The following MCF2L2 variants were observed in gnomAD, a reference collection of about 807,000 sequenced individuals.
MCF2L2 encodes the protein MCF.2 cell line derived transforming sequence-like 2, also known as probable guanine nucleotide exchange factor MCF2L2.
In MCF2L2, 102 loss-of-function variants were observed where a neutral mutation model predicts 150.2. The ratio of observed to expected loss-of-function variants is 0.68; its 90% CI spans 0.58 to 0.80. The LOEUF (loss-of-function observed/expected upper bound fraction) is 0.80, where lower values mean the gene tolerates loss of function less well. Ranked by LOEUF, MCF2L2 falls within the 30% of genes least tolerant of loss-of-function variation. MCF2L2 has a pLI of 0.00. For missense variants in MCF2L2, 1,256 were observed against 1,372.8 expected (o/e 0.91, Z 1.34); for synonymous variants, 465 against 491.3 (o/e 0.95, Z 0.71).
intron 27 of MCF2L2, among the ~76,000 whole-genome samples, chr3:183,187,475 A>AT (rs1288905499): frequency 2.6e-5 from 4 of 151,828 alleles, no homozygotes; most frequent in East Asian, 3.9e-4. Context: ...TTATTTTATT[A>AT]TTTTTTTATT....
At chr3:183,213,775 C>G (rs569626304) in intron 22 of MCF2L2, among the ~76,000 whole-genome samples, 3 of 152,246 alleles carry the variant, frequency 2.0e-5, no homozygotes, top group Non-Finnish European at 4.4e-5. Flanking sequence ...CTCTTCTTTC[C>G]ATGGATCTTC....
At position 183,428,096 on chromosome 3, in the gene MCF2L2, C is replaced by T. The variant is rs1716269794; in HGVS notation, c.-119G>A. 2.6e-6 allele frequency: 2 copies of T among 763,660 alleles called. No homozygotes were observed. Among genetic ancestry groups the T allele is most frequent in the South Asian group, 3.0e-5 (2 of 66,260 alleles). 47.3% of individuals were successfully genotyped at this position (763,660 alleles called of 1,614,324 possible). ...TGCTCTGCCCTCGCCCTCTTCCTGG[C>T]TCTCCAGGCAAGAAACGAGAGTCCC... On this transcript the variant is annotated 5_prime_UTR_variant, in exon 1 of 30. Transcript: ENST00000328913. This position sits in a 1 kb window ranked among gnomAD's most constrained non-coding sequence, Gnocchi z 5.1.
At chr3:183,420,516 T>C (rs1327146747) in intron 1 of MCF2L2, among the ~76,000 whole-genome samples, 2 of 152,182 alleles carry the variant, frequency 1.3e-5, no homozygotes, top group Non-Finnish European at 2.9e-5. Flanking sequence ...AAGAATCACT[T>C]GAACCCCAGG....
At chr3:183,237,911 C>T (rs1723814747) in intron 15 of MCF2L2, among the ~76,000 whole-genome samples, 1 of 106,416 alleles carries the variant, frequency 9.4e-6, no homozygotes, top group Non-Finnish European at 1.9e-5. Flanking sequence ...TCTTTGTTCT[C>T]GTTGGTTTCA....
At chr3:183,289,713 G>A (rs549039736) in intron 13 of MCF2L2, among the ~76,000 whole-genome samples, 6 of 152,218 alleles carry the variant, frequency 3.9e-5, no homozygotes, top group African/African-American at 7.2e-5. Context: ...AAAATTATCC[G>A]GGAACAGTGG....
At chr3:183,320,098 T>A (rs528033854) in intron 6 of MCF2L2, among the ~76,000 whole-genome samples, 1 of 151,268 alleles carries the variant, frequency 6.6e-6, no homozygotes, top group East Asian at 1.9e-4. Flanking sequence ...TCTTTTCTTT[T>A]TTTTTTTTTT....
In MCF2L2 at chr3:183,270,795, T is replaced by C; in HGVS notation, c.1862+6077A>G. 2 of 1,614,114 alleles carry C rather than the reference T, an allele frequency of 1.2e-6. No homozygotes were observed. The highest frequency in any genetic ancestry group is 1.7e-6 in the Non-Finnish European group (2 of 1,180,028). On this transcript the variant is annotated intron_variant, in intron 15 of 29. Transcript: ENST00000328913. The surrounding 1 kb of genome is among the most constrained non-coding windows in gnomAD (Gnocchi z 4.5). ...ACACTTAGAAGATCTCCAGGACCTTTGGAAGAATGCTACAGATCCTAAAGT... is the reference window on the plus strand; with the variant it reads ...ACACTTAGAAGATCTCCAGGACCTTCGGAAGAATGCTACAGATCCTAAAGT...
At chr3:183,253,198 G>A (rs1336446483) in intron 15 of MCF2L2, 4 of 150,206 alleles carry the variant, frequency 2.7e-5, no homozygotes, top group Admixed American at 1.3e-4. Flanking sequence ...CCGAGAGTGC[G>A]GGGCGCGCGG....
At position 183,323,220 on chromosome 3, in the gene MCF2L2, T is replaced by C; in HGVS notation, c.603+15A>G. On this transcript the variant is annotated intron_variant, in intron 6 of 29. Transcript: ENST00000328913. ...AAGGAGAGACAGTGAAAAGCACACG[T>C]AAGCTGGTACTCACAGTGCGGTGAT... is the stretch of plus-strand genomic sequence containing the variant. 1 of 1,561,262 alleles carries C rather than the reference T, an allele frequency of 6.4e-7. No individual in the cohort carries two copies. Among genetic ancestry groups the C allele is most frequent in the Non-Finnish European group, 8.8e-7 (1 of 1,134,454 alleles).
In MCF2L2 at chr3:183,270,941, CTTGAATG is replaced by C. The variant is rs1267992183; in HGVS notation, c.1862+5924_1862+5930del. 1.3e-6 allele frequency: 2 copies of C among 1,548,292 alleles called. No individual in the cohort carries two copies. Among genetic ancestry groups the C allele is most frequent in the Non-Finnish European group, 1.7e-6 (2 of 1,151,910 alleles). ...GTAGGGCTGCGTTTATCTAATAGTA[CTTGAATG>C]TTGTATGTTTTCACTGTCACTGAGT... On this transcript the variant is annotated intron_variant, in intron 15 of 29. Transcript: ENST00000328913. This position sits in a 1 kb window ranked among gnomAD's most constrained non-coding sequence, Gnocchi z 4.5.
chr3:183,318,061 C>T lies in MCF2L2; in HGVS notation c.753+7G>A, dbSNP rs1236663281. Reference sequence around the variant, plus strand: ...CACTGGCCTCTGAGAGGTCACTGACCGCTCACCTGCAGCTTGTCCCGCTGC... The same window carrying T: ...CACTGGCCTCTGAGAGGTCACTGACTGCTCACCTGCAGCTTGTCCCGCTGC... On this transcript the variant is annotated splice_region_variant and intron_variant, in intron 7 of 29. Coordinates refer to ENST00000328913, the MANE Select transcript of MCF2L2 (RefSeq NM_015078.4). The T allele has an allele frequency of 6.8e-6, 11 of 1,612,754 alleles. No homozygotes were observed. Among genetic ancestry groups the T allele is most frequent in the African/African-American group, 1.3e-5 (1 of 74,904 alleles).
At chr3:183,346,741 A>G (rs1415127838) in intron 3 of MCF2L2, among the ~76,000 whole-genome samples, 1 of 152,232 alleles carries the variant, frequency 6.6e-6, no homozygotes, top group Non-Finnish European at 1.5e-5. Context: ...ATGTGCAAAA[A>G]TCATAAGCAT....
intron 14 of MCF2L2, among the ~76,000 whole-genome samples, chr3:183,286,473 G>A (rs1026135475): frequency 6.6e-6 from 1 of 152,260 alleles, no homozygotes; most frequent in Non-Finnish European, 1.5e-5. Context: ...AATGATTATT[G>A]TTGATGTTAG....
Position 183,423,921 on chromosome 3 carries a change from G to A in MCF2L2, c.76+3981C>T, listed in dbSNP as rs190932314. On this transcript the variant is annotated intron_variant, in intron 1 of 29. Coordinates refer to ENST00000328913, the MANE Select transcript of MCF2L2 (RefSeq NM_015078.4). ...ACAGGTGTGAGCCACTGCGCCCGGC[G>A]ACATGGCCCATCTTGATGACTATGG... Among the ~76,000 whole-genome samples the A allele has an allele frequency of 7.8e-3, 1,188 of 151,582 alleles. 6 individuals are homozygous for A. Among genetic ancestry groups the A allele is most frequent in the Non-Finnish European group, 0.011 (776 of 67,826 alleles).
At chr3:183,296,850 A>T (rs983001303) in intron 12 of MCF2L2, 126 bp downstream of exon 12, 2 of 1,055,306 alleles carry the variant, frequency 1.9e-6, no homozygotes, top group African/African-American at 3.2e-5. Flanking sequence ...AGGGCTTCGG[A>T]ACCAGTGAGC....
At chr3:183,325,820 G>A (rs1026013809) in intron 5 of MCF2L2, among the ~76,000 whole-genome samples, 2 of 152,154 alleles carry the variant, frequency 1.3e-5, no homozygotes, top group African/African-American at 4.8e-5. Context: ...AGATGACGAA[G>A]AGGAATTTTA....
chr3:183,269,864 T>C (rs1451948094), intron 15 of MCF2L2: 1 of 1,613,990 alleles, frequency 6.2e-7, no homozygotes, highest in Admixed American at 1.7e-5. Flanking sequence ...TATTTGCTAC[T>C]TGTTTTTTAG....
chr3:183,413,412 G>C (rs1715424002), intron 1 of MCF2L2, among the ~76,000 whole-genome samples: 1 of 152,084 alleles, frequency 6.6e-6, no homozygotes, highest in African/African-American at 2.4e-5. Flanking sequence ...ACCCCAACCA[G>C]GCTGTTGCCC....
intron 15 of MCF2L2, among the ~76,000 whole-genome samples, chr3:183,233,420 A>T (rs1472455404): frequency 6.6e-6 from 1 of 151,938 alleles, no homozygotes; most frequent in Non-Finnish European, 1.5e-5. Flanking sequence ...GTGTATATAT[A>T]TATACATATA....
Sources: allele counts gnomAD v4.1 joint callset (sites outside exome capture counted in the v4.1 genomes callset), GRCh38; gene constraint gnomAD v4.1.1; non-coding constraint Gnocchi (gnomAD v3.1); transcripts MANE v1.5; gene names NCBI Gene and HGNC (gene_info 2026-07-23, HGNC 2026-07-21).